GTF2IRD1: variants seen among roughly 807,000 people sequenced by gnomAD.
GTF2IRD1 encodes general transcription factor II-I repeat domain-containing protein 1.
A neutral mutation model predicts 113.2 loss-of-function variants in GTF2IRD1; 26 were observed. That is an observed-to-expected ratio of 0.23 (90% CI 0.17 to 0.32). The LOEUF (loss-of-function observed/expected upper bound fraction) is 0.32. Ranked by LOEUF, GTF2IRD1 falls within the 10% of genes least tolerant of loss-of-function variation. The pLI, the probability that GTF2IRD1 is intolerant of heterozygous loss-of-function variation, is 1.00. For missense variants in GTF2IRD1, 864 were observed against 1,280.8 expected (o/e 0.67, Z 4.97); for synonymous variants, 484 against 529.1 (o/e 0.91, Z 1.17).
At chr7:74,598,118 G>C (rs1473721921) in intron 25 of GTF2IRD1, among the ~76,000 whole-genome samples, 2 of 152,140 alleles carry the variant, frequency 1.3e-5, no homozygotes, top group Admixed American at 1.3e-4. Context: ...AGATAGTCAA[G>C]AGGATGAGGC....
At chr7:74,477,361 T>TC (rs1794480506) in intron 1 of GTF2IRD1, among the ~76,000 whole-genome samples, 1 of 71,698 alleles carries the variant, frequency 1.4e-5, no homozygotes, top group Non-Finnish European at 3.0e-5. Flanking sequence ...TTTTTTTGTG[T>TC]CCAAAAAAAA....
intron 1 of GTF2IRD1, among the ~76,000 whole-genome samples, chr7:74,476,648 T>C (rs1794430534): frequency 6.6e-6 from 1 of 152,004 alleles, no homozygotes; most frequent in South Asian, 2.1e-4. Context: ...TTCCCCACCG[T>C]ACTCTCCTGC....
intron 1 of GTF2IRD1, among the ~76,000 whole-genome samples, chr7:74,471,971 G>A (rs983921454): frequency 8.5e-5 from 13 of 152,210 alleles, no homozygotes; most frequent in Admixed American, 3.9e-4. Context: ...CAGCCTAGGC[G>A]ACAGAATGAG....
At position 74,482,353 on chromosome 7, in the gene GTF2IRD1, G is replaced by A. The variant is rs1391165055; in HGVS notation, c.-6-25722G>A. Among the ~76,000 whole-genome samples, 5 of 147,922 alleles carry A rather than the reference G, an allele frequency of 3.4e-5. No homozygotes were observed. In the South Asian group the frequency reaches 8.6e-4, roughly 25 times the overall value. ...AGTGATCCTCCTGCCTTAGCCTCCCGAGTAGCTGGGACGACAGGCATGTGC... is the reference window on the plus strand; with the variant it reads ...AGTGATCCTCCTGCCTTAGCCTCCCAAGTAGCTGGGACGACAGGCATGTGC... On this transcript the variant is annotated intron_variant, in intron 1 of 26. Transcript: ENST00000424337.
At chr7:74,597,468 C>T (rs1802492849) in intron 25 of GTF2IRD1, among the ~76,000 whole-genome samples, 2 of 151,658 alleles carry the variant, frequency 1.3e-5, no homozygotes, top group South Asian at 2.1e-4. Context: ...GCCTTAGCCT[C>T]CCGAGTAGCT....
At chr7:74,588,106 CTTTTT>C (rs781908698) in intron 22 of GTF2IRD1, among the ~76,000 whole-genome samples, 1 of 135,018 alleles carries the variant, frequency 7.4e-6, no homozygotes, top group Non-Finnish European at 1.6e-5. Flanking sequence ...CTTTTCTTTT[CTTTTT>C]TTTTTTTTTT....
intron 4 of GTF2IRD1, among the ~76,000 whole-genome samples, 190 bp downstream of exon 4, chr7:74,515,786 C>T (rs587666862): frequency 4.7e-4 from 72 of 152,248 alleles, no homozygotes; most frequent in Non-Finnish European, 9.0e-4. Flanking sequence ...CTGCTCCAGC[C>T]GTTTTCCAAA....
intron 9 of GTF2IRD1, 138 bp downstream of exon 9, chr7:74,530,055 C>G: frequency 1.7e-6 from 1 of 586,416 alleles, no homozygotes; most frequent in Non-Finnish European, 3.0e-6. Flanking sequence ...ATTAACAATA[C>G]AAAAATTAGC....
intron 14 of GTF2IRD1, among the ~76,000 whole-genome samples, chr7:74,540,776 C>T: frequency 6.6e-6 from 1 of 151,836 alleles, no homozygotes; most frequent in South Asian, 2.1e-4. Context: ...TAGAGAGACC[C>T]ATCTCTTAAA....
At chr7:74,527,729 C>G (rs1797689184) in intron 8 of GTF2IRD1, among the ~76,000 whole-genome samples, 2 of 152,024 alleles carry the variant, frequency 1.3e-5, no homozygotes, top group Admixed American at 1.3e-4. Flanking sequence ...GTAATCCCAG[C>G]TACTCGGGAG....
At chr7:74,477,318 C>A (rs1413819769) in intron 1 of GTF2IRD1, among the ~76,000 whole-genome samples, 1 of 149,790 alleles carries the variant, frequency 6.7e-6, no homozygotes, top group Non-Finnish European at 1.5e-5. Flanking sequence ...GAGCTAAGAT[C>A]GCACCAGTGC....
chr7:74,573,413 A>C (rs1293278670), intron 22 of GTF2IRD1, among the ~76,000 whole-genome samples: 2 of 151,988 alleles, frequency 1.3e-5, no homozygotes, highest in South Asian at 2.1e-4. Context: ...AAAAAAAAAA[A>C]AACGATTAAA....
At chr7:74,482,499 A>T (rs559072591) in intron 1 of GTF2IRD1, among the ~76,000 whole-genome samples, 1 of 152,196 alleles carries the variant, frequency 6.6e-6, no homozygotes, top group South Asian at 2.1e-4. Context: ...AAGTGCTGGG[A>T]TTACGGGTGC....
intron 1 of GTF2IRD1, among the ~76,000 whole-genome samples, chr7:74,480,931 AAGGGCAGATGG>A: frequency 6.6e-6 from 1 of 152,166 alleles, no homozygotes; most frequent in South Asian, 2.1e-4. Flanking sequence ...AGCCTAGATG[AAGGGCAGATGG>A]GGCTTCGCAT....
At position 74,508,089 on chromosome 7, in the gene GTF2IRD1, G is replaced by A. The variant is rs1267252308; in HGVS notation, c.9G>A (p.Leu3=). The A allele has an allele frequency of 1.2e-6, 2 of 1,607,568 alleles. No homozygotes were observed. Among genetic ancestry groups the A allele is most frequent in the Admixed American group, 1.7e-5 (1 of 59,920 alleles). ...CCTCCCCACAGGCGACCATGGCCTT[G>A]CTGGGTAAGCGCTGTGACGTCCCCA... MA[L]LGKRCDVPTN... The change falls in exon 2 of 27, where the codon TTG becomes TTA. Residue 3 remains leucine (L), a synonymous_variant. Transcript: ENST00000424337.
At chr7:74,464,740 C>T (rs1554330413) in intron 1 of GTF2IRD1, among the ~76,000 whole-genome samples, 2 of 152,162 alleles carry the variant, frequency 1.3e-5, no homozygotes, top group Non-Finnish European at 2.9e-5. Flanking sequence ...GAGCACAAGC[C>T]ACCGCGCCCA....
At position 74,515,644 on chromosome 7, in the gene GTF2IRD1, C is replaced by G. The variant is rs1554344500; in HGVS notation, c.421+48C>G. The G allele has an allele frequency of 1.9e-6, 3 of 1,554,742 alleles. No individual in the cohort carries two copies. In the Admixed American group the frequency reaches 5.3e-5, roughly 27 times the overall value. On this transcript the variant is annotated intron_variant, in intron 4 of 26. Transcript: ENST00000424337. ...TTGGGGGCCCCAGGGAGGGTGGGAG[C>G]CTCGGTCCCCACCCAGCAGAGGGGG...
chr7:74,513,116 C>T (rs1796728973), intron 3 of GTF2IRD1, 145 bp downstream of exon 3: 4 of 775,492 alleles, frequency 5.2e-6, no homozygotes, highest in South Asian at 3.6e-5. Context: ...CTGAGATTCC[C>T]GATGTGGTGT....
chr7:74,537,066 G>A (rs1798338312), intron 11 of GTF2IRD1, among the ~76,000 whole-genome samples: 1 of 151,988 alleles, frequency 6.6e-6, no homozygotes, highest in African/African-American at 2.4e-5. Context: ...AGCTATGATC[G>A]CACCACTGCA....
Sources: allele counts gnomAD v4.1 joint callset (sites outside exome capture counted in the v4.1 genomes callset), GRCh38; gene constraint gnomAD v4.1.1; transcripts MANE v1.5; gene names NCBI Gene and HGNC (gene_info 2026-07-23, HGNC 2026-07-21).